Variants in CNTN4 observed in about 807,000 individuals in gnomAD.
The protein encoded by CNTN4 is contactin 4, also known as contactin-4.
Under a neutral mutation model 122.5 loss-of-function variants are expected in CNTN4, and 77 were observed. That is an observed-to-expected ratio of 0.63 (90% CI 0.52 to 0.76). CNTN4 has a LOEUF of 0.76. Ranked by LOEUF, CNTN4 falls within the 30% of genes least tolerant of loss-of-function variation. The pLI is 0.00. For missense variants in CNTN4, 1,256 were observed against 1,259.1 expected, an observed-to-expected ratio of 1.00 and a Z score of 0.04; for synonymous variants, 512 against 447.0, an observed-to-expected ratio of 1.15 and a Z score of -1.83.
intron 2 of CNTN4, among the ~76,000 whole-genome samples, chr3:2,175,584 C>G (rs902980807): frequency 6.6e-6 from 1 of 152,174 alleles, no homozygotes; most frequent in Non-Finnish European, 1.5e-5. Flanking sequence ...AGGTCAGAGA[C>G]AGAGGCTTCT....
chr3:2,888,667 A>C (rs1477153408), intron 10 of CNTN4, among the ~76,000 whole-genome samples: 1 of 151,916 alleles, frequency 6.6e-6, no homozygotes. Flanking sequence ...TATACATATG[A>C]ATATGTATAT....
Position 2,919,411 on chromosome 3 carries a change from C to A in CNTN4, c.1208-6218C>A, listed in dbSNP as rs1389937789. On this transcript the variant is annotated intron_variant, in intron 12 of 24. Transcript: ENST00000418658. ...TTGCTTTTTAAAAATTGACTTAATT[C>A]TTCAATAGGTTCATTGATTAAATAT... 6.7e-5 allele frequency among the ~76,000 whole-genome samples: 10 copies of A among 149,054 alleles called. No individual in the cohort carries two copies. The Admixed American group carries it at 6.7e-4, about 10-fold the overall frequency.
In CNTN4 at chr3:3,040,205, G is replaced by T. The variant is rs746683419; in HGVS notation, c.2332G>T (p.Gly778Cys). The T allele has an allele frequency of 2.5e-6, 4 of 1,614,194 alleles. No homozygotes were observed. Among genetic ancestry groups the T allele is most frequent in the Admixed American group, 1.7e-5 (1 of 60,030 alleles). ...CTTCTCTCCCTTTGAGGTTAAAGTA[G>T]GTGTCTTCAACAACAAAGGAGAAGG... ...HPFSPFEVKV[G>C]VFNNKGEGPF... The change falls in exon 20 of 25, where the codon GGT (glycine) becomes TGT (cysteine). Residue 778 changes from glycine to cysteine, a missense_variant. Physicochemically the swap from Gly to Cys is radical, Grantham distance 159 (BLOSUM62 -3). Transcript: ENST00000418658.
intron 10 of CNTN4, among the ~76,000 whole-genome samples, chr3:2,895,352 C>T (rs1031534558): frequency 6.6e-6 from 1 of 152,206 alleles, no homozygotes; most frequent in Non-Finnish European, 1.5e-5. Flanking sequence ...ATAACATTTA[C>T]AGGAGGCAGA....
rs772928611 is a variant in CNTN4, at chr3:3,043,289, C to T, written c.2698+126C>T. ...GTAGCATGTGGATTCAAATTTCCCTCAGCATTTTAACTGAACCTTTCCGTA... is the reference window on the plus strand; with the variant it reads ...GTAGCATGTGGATTCAAATTTCCCTTAGCATTTTAACTGAACCTTTCCGTA... On this transcript the variant is annotated intron_variant, in intron 22 of 24. Coordinates refer to ENST00000418658, the MANE Select transcript of CNTN4 (RefSeq NM_175607.3). The T allele has an allele frequency of 2.8e-5, 27 of 981,504 alleles. No individual in the cohort carries two copies. The East Asian group carries it at 6.9e-4, about 25-fold the overall frequency. 60.8% of individuals were successfully genotyped at this position (981,504 alleles called of 1,614,324 possible).
chr3:2,520,579 T>A (rs1424367590), intron 3 of CNTN4, among the ~76,000 whole-genome samples: 1 of 152,078 alleles, frequency 6.6e-6, no homozygotes, highest in Non-Finnish European at 1.5e-5. Context: ...CAGCCCTTTT[T>A]TCCTTTTTTA....
intron 6 of CNTN4, among the ~76,000 whole-genome samples, chr3:2,776,998 T>A (rs951667987): frequency 6.8e-6 from 1 of 147,930 alleles, no homozygotes; most frequent in African/African-American, 2.4e-5. Flanking sequence ...GTTTTGTTTT[T>A]AAGACAGACT....
chr3:2,500,623 T>A (rs2148997565), intron 3 of CNTN4, among the ~76,000 whole-genome samples: 1 of 152,306 alleles, frequency 6.6e-6, no homozygotes, highest in South Asian at 2.1e-4. Flanking sequence ...TATGATTGGT[T>A]ACTTTAGGCT....
intron 2 of CNTN4, among the ~76,000 whole-genome samples, chr3:2,143,688 G>A (rs973228465): frequency 5.3e-5 from 8 of 152,114 alleles, no homozygotes; most frequent in Non-Finnish European, 1.2e-4. Flanking sequence ...AAACATATGA[G>A]TTATTATTAT....
At chr3:2,353,898 CAAAAAA>C (rs907358740) in intron 3 of CNTN4, among the ~76,000 whole-genome samples, 1 of 150,176 alleles carries the variant, frequency 6.7e-6, no homozygotes, top group South Asian at 2.1e-4. Context: ...GACTCCGTCT[CAAAAAA>C]AACAAAAACA....
intron 13 of CNTN4, among the ~76,000 whole-genome samples, chr3:2,964,155 C>T (rs972442499): frequency 2.6e-5 from 4 of 152,154 alleles, no homozygotes; most frequent in African/African-American, 9.7e-5. Flanking sequence ...TCAGACCTGA[C>T]TGATACACAA....
At chr3:2,307,213 A>G (rs988245314) in intron 2 of CNTN4, among the ~76,000 whole-genome samples, 2 of 152,296 alleles carry the variant, frequency 1.3e-5, no homozygotes, top group African/African-American at 2.4e-5. Context: ...AGGCGGGCAG[A>G]CCACAAGGTC....
At chr3:2,298,337 A>T (rs1002245131) in intron 2 of CNTN4, among the ~76,000 whole-genome samples, 8 of 152,124 alleles carry the variant, frequency 5.3e-5, no homozygotes, top group African/African-American at 1.9e-4. Context: ...TTGTTCTTGT[A>T]GTTGTAATTA....
chr3:2,118,480 T>C (rs1045890858), intron 2 of CNTN4, among the ~76,000 whole-genome samples: 9 of 152,242 alleles, frequency 5.9e-5, no homozygotes, highest in African/African-American at 1.9e-4. Flanking sequence ...AGAACCATTT[T>C]AAAATGGGAA....
At chr3:2,585,390 G>T (rs571313617) in intron 4 of CNTN4, among the ~76,000 whole-genome samples, 3 of 151,508 alleles carry the variant, frequency 2.0e-5, no homozygotes, top group Non-Finnish European at 4.4e-5. Context: ...ACATGCACAC[G>T]TATGTTTATT....
intron 2 of CNTN4, among the ~76,000 whole-genome samples, chr3:2,167,571 C>T (rs2036256457): frequency 6.6e-6 from 1 of 152,070 alleles, no homozygotes; most frequent in Non-Finnish European, 1.5e-5. Context: ...ATACATCTCT[C>T]AGAATTGGAC....
At chr3:2,910,411 C>T (rs2094287375) in intron 12 of CNTN4, among the ~76,000 whole-genome samples, 1 of 152,142 alleles carries the variant, frequency 6.6e-6, no homozygotes, top group Non-Finnish European at 1.5e-5. Context: ...AGTCCTTAGT[C>T]CTTTTCATAA....
At chr3:2,508,010 T>C (rs973267276) in intron 3 of CNTN4, among the ~76,000 whole-genome samples, 1 of 152,172 alleles carries the variant, frequency 6.6e-6, no homozygotes, top group Non-Finnish European at 1.5e-5. Flanking sequence ...TGATGTCACA[T>C]TGACATAATT....
chr3:2,641,667 C>G (rs1048301682), intron 4 of CNTN4, among the ~76,000 whole-genome samples: 1 of 152,066 alleles, frequency 6.6e-6, no homozygotes, highest in East Asian at 1.9e-4. Flanking sequence ...CTCTAAATAT[C>G]CCCCCCAAAC....
Sources: allele counts gnomAD v4.1 joint callset (sites outside exome capture counted in the v4.1 genomes callset), GRCh38; gene constraint gnomAD v4.1.1; transcripts MANE v1.5; gene names NCBI Gene and HGNC (gene_info 2026-07-23, HGNC 2026-07-21).